The following PRIM2 variants were observed in gnomAD, a reference collection of about 807,000 sequenced individuals.
The protein encoded by PRIM2 is DNA primase large subunit.
PRIM2 carries 39 observed loss-of-function variants against 67.3 expected under a neutral mutation model. That is an observed-to-expected ratio of 0.58 (90% confidence interval 0.45 to 0.76). The LOEUF is 0.76. Among genes scored for constraint, PRIM2 ranks in the 30% least tolerant of loss-of-function variants. PRIM2 has a pLI of 0.00. For missense variants in PRIM2, 398 were observed against 598.7 expected, an observed-to-expected ratio of 0.66 and a Z score of 3.50; for synonymous variants, 143 against 198.7, an observed-to-expected ratio of 0.72 and a Z score of 2.36.
intron 7 of PRIM2, among the ~76,000 whole-genome samples, chr6:57,487,710 T>A (rs1212488893): frequency 4.6e-4 from 70 of 152,354 alleles, no homozygotes; most frequent in African/African-American, 1.7e-3. Flanking sequence ...TTGAAATAAT[T>A]TGAGAATTCT....
chr6:57,505,829 G>A (rs1270426100), intron 7 of PRIM2, among the ~76,000 whole-genome samples: 1 of 151,972 alleles, frequency 6.6e-6, no homozygotes, highest in African/African-American at 2.4e-5. Flanking sequence ...CTATTAGAAA[G>A]CATACTATAT....
intron 7 of PRIM2, among the ~76,000 whole-genome samples, chr6:57,422,837 T>C (rs1771509961): frequency 6.6e-6 from 1 of 152,170 alleles, no homozygotes; most frequent in Non-Finnish European, 1.5e-5. Flanking sequence ...GCAGGTCAGA[T>C]ACCAAGAGCT....
chr6:57,375,772 TA>T (rs869105393), intron 5 of PRIM2, among the ~76,000 whole-genome samples: 2 of 151,988 alleles, frequency 1.3e-5, no homozygotes, highest in Admixed American at 6.5e-5. Context: ...CCCAGCTAAT[TA>T]AAAAAAATTT....
chr6:57,296,314 AT>A, the PRIM2 span, among the ~76,000 whole-genome samples: 9 of 151,914 alleles, frequency 5.9e-5, no homozygotes, highest in Non-Finnish European at 1.3e-4. Context: ...TGAAATGGCA[AT>A]TCTGCATCTA....
At chr6:57,313,574 T>G (rs940469532), upstream of PRIM2, among the ~76,000 whole-genome samples, 3 of 152,162 alleles carry the variant, frequency 2.0e-5, no homozygotes, top group Non-Finnish European at 2.9e-5. Flanking sequence ...CTAAAGCAAA[T>G]GGAGAGAGAA....
chr6:57,322,282 G>A (rs1452650211), intron 3 of PRIM2, among the ~76,000 whole-genome samples: 1 of 152,146 alleles, frequency 6.6e-6, no homozygotes, highest in Non-Finnish European at 1.5e-5. Flanking sequence ...CTTTGAGAGA[G>A]CATTTGATAA....
At chr6:57,566,170 C>A (rs1775734853) in intron 10 of PRIM2, among the ~76,000 whole-genome samples, 1 of 133,988 alleles carries the variant, frequency 7.5e-6, no homozygotes, top group Non-Finnish European at 1.6e-5. Flanking sequence ...TACTGTATAA[C>A]CCATTTTTTT....
intron 7 of PRIM2, among the ~76,000 whole-genome samples, chr6:57,478,667 G>A (rs1208950837): frequency 6.6e-6 from 1 of 152,096 alleles, no homozygotes; most frequent in Non-Finnish European, 1.5e-5. Flanking sequence ...AATTTATATT[G>A]ACTTTGAATT....
Position 57,561,379 on chromosome 6 carries a change from A to G in PRIM2, c.1020+23754A>G, listed in dbSNP as rs1413635296. On this transcript the variant is annotated intron_variant, in intron 10 of 13. Coordinates refer to ENST00000615550, the MANE Select transcript of PRIM2 (RefSeq NM_000947.5). ...CCTGAGTAGCTGGGACTACAGGCGC[A>G]CGCCGCCACACCCGGCTGATTTTTT... 5.9e-5 allele frequency among the ~76,000 whole-genome samples: 9 copies of G among 152,134 alleles called. 1 individual carries two copies. The highest frequency in any genetic ancestry group is 5.2e-4 in the Admixed American group (8 of 15,292).
At position 57,422,158 on chromosome 6, in the gene PRIM2, C is replaced by CTTTTTTTTTTTTTTCT. The variant is rs575958629; in HGVS notation, c.693+40004_693+40005insCTTTTTTTTTTTTTTT. ...AAATTCAAAAGTATTTCTTTTCTTTCTTTTTTTTTTTTTTGAGATGGAGTC... is the reference window on the plus strand; with the variant it reads ...AAATTCAAAAGTATTTCTTTTCTTTCTTTTTTTTTTTTTTCTTTTTTTTTTTTTTTGAGATGGAGTC... On this transcript the variant is annotated intron_variant, in intron 7 of 13. Coordinates refer to ENST00000615550, the MANE Select transcript of PRIM2 (RefSeq NM_000947.5). 1.2e-4 allele frequency among the ~76,000 whole-genome samples: 12 copies of CTTTTTTTTTTTTTTCT among 103,326 alleles called. 1 individual carries two copies. The East Asian group carries it at 3.4e-3, about 29-fold the overall frequency. The allele number at this position is 103,326 out of a possible 152,430, so 67.8% of individuals were successfully genotyped here. A position where few individuals can be genotyped will look rare whatever the true frequency, so the allele number is the denominator to read the frequency against.
At chr6:57,246,841 T>G in the PRIM2 span, among the ~76,000 whole-genome samples, 1 of 147,700 alleles carries the variant, frequency 6.8e-6, no homozygotes. Flanking sequence ...CCAGATGATC[T>G]CCCTGGACTT....
At chr6:57,449,098 G>T (rs7775681) in intron 7 of PRIM2, among the ~76,000 whole-genome samples, 3 of 152,168 alleles carry the variant, frequency 2.0e-5, no homozygotes, top group African/African-American at 2.4e-5. Context: ...AGAATATAAG[G>T]TTGGAATTGT....
intron 8 of PRIM2, among the ~76,000 whole-genome samples, chr6:57,526,701 GGTGACA>G (rs1774761976): frequency 6.6e-6 from 1 of 152,074 alleles, no homozygotes; most frequent in Non-Finnish European, 1.5e-5. Context: ...AAACTATGTT[GGTGACA>G]GTGAATGTCT....
chr6:57,443,021 CT>C lies in PRIM2; in HGVS notation c.693+60860del, dbSNP rs61427447. Among the ~76,000 whole-genome samples the C allele has an allele frequency of 1.2e-3, 190 of 152,240 alleles. 5 individuals are homozygous for C. The East Asian group carries it at 0.016, about 13-fold the overall frequency. Reference sequence around the variant, plus strand: ...AGATTCCCCATGTGAGAACAGATGACTTTTTTTCACTTATCATGTTCTCTAA... The same window carrying C: ...AGATTCCCCATGTGAGAACAGATGACTTTTTTCACTTATCATGTTCTCTAA... On this transcript the variant is annotated intron_variant, in intron 7 of 13. Coordinates refer to ENST00000615550, the MANE Select transcript of PRIM2 (RefSeq NM_000947.5).
intron 5 of PRIM2, among the ~76,000 whole-genome samples, chr6:57,343,897 G>A (rs1768584114): frequency 6.6e-6 from 1 of 152,134 alleles, no homozygotes; most frequent in Non-Finnish European, 1.5e-5. Flanking sequence ...TTGGAGCAGG[G>A]GTCAGGGTGG....
intron 12 of PRIM2, among the ~76,000 whole-genome samples, chr6:57,619,566 G>C (rs1239064510): frequency 3.0e-4 from 45 of 152,108 alleles, no homozygotes; most frequent in African/African-American, 9.9e-4. Context: ...ATAGCTAAAA[G>C]AAAAAACAAT....
chr6:57,637,392 C>T (rs1183120638), intron 13 of PRIM2, among the ~76,000 whole-genome samples: 10 of 152,072 alleles, frequency 6.6e-5, no homozygotes, highest in African/African-American at 2.2e-4. Context: ...GGAATAAAAC[C>T]GGATGGAGAA....
chr6:57,309,047 C>T, the PRIM2 span, among the ~76,000 whole-genome samples: 4 of 151,516 alleles, frequency 2.6e-5, no homozygotes, highest in African/African-American at 9.7e-5. Context: ...AACACGAGAA[C>T]AAAGGTCTCT....
intron 7 of PRIM2, among the ~76,000 whole-genome samples, chr6:57,437,917 CA>C (rs376573751): frequency 4.7e-4 from 72 of 152,150 alleles, no homozygotes; most frequent in African/African-American, 1.6e-3. Context: ...TTAGCTTCCC[CA>C]AATGCTGGAA....
Sources: gnomAD v4.1 joint callset for allele counts (sites outside exome capture counted in the v4.1 genomes callset) on GRCh38, gnomAD v4.1.1 for gene constraint, MANE v1.5 for transcripts, NCBI Gene and HGNC (gene_info 2026-07-23, HGNC 2026-07-21) for gene names.